FOXN3: variants seen among roughly 807,000 people sequenced by gnomAD.
FOXN3 encodes forkhead box protein N3.
A neutral mutation model predicts 38.4 loss-of-function variants in FOXN3; 7 were observed. The ratio of observed to expected loss-of-function variants is 0.18; its 90% CI spans 0.10 to 0.34. The LOEUF (loss-of-function observed/expected upper bound fraction) is 0.34. FOXN3 is among the 10% of genes least tolerant of loss of function. The probability of loss-of-function intolerance (pLI) is 1.00; values close to 1 mark genes in which losing one functional copy is unlikely to be tolerated. For missense variants in FOXN3, 456 were observed against 613.4 expected, an observed-to-expected ratio of 0.74 and a Z score of 2.71; for synonymous variants, 230 against 242.2, an observed-to-expected ratio of 0.95 and a Z score of 0.47.
intron 4 of FOXN3, among the ~76,000 whole-genome samples, chr14:89,199,916 C>T (rs1566927443): frequency 6.6e-6 from 1 of 152,004 alleles, no homozygotes; most frequent in East Asian, 1.9e-4. Flanking sequence ...ACAACAACAA[C>T]AACAACAACA....
chr14:89,458,728 C>T (rs879470873), intron 1 of FOXN3, among the ~76,000 whole-genome samples: 1 of 152,082 alleles, frequency 6.6e-6, no homozygotes, highest in Non-Finnish European at 1.5e-5. Flanking sequence ...GGGTGTGGAG[C>T]CCTCTCTGCT....
intron 1 of FOXN3, among the ~76,000 whole-genome samples, chr14:89,528,912 G>C (rs114686779): frequency 6.6e-6 from 1 of 152,022 alleles, no homozygotes; most frequent in Non-Finnish European, 1.5e-5. Context: ...CAGCTTTTGC[G>C]GATGATAAGT....
intron 4 of FOXN3, among the ~76,000 whole-genome samples, chr14:89,268,581 G>A (rs1886053400): frequency 6.6e-6 from 1 of 152,230 alleles, no homozygotes; most frequent in African/African-American, 2.4e-5. Flanking sequence ...AGGAGAGAGT[G>A]GCCCCTGTCT....
At chr14:89,555,675 T>A (rs757605491) in intron 1 of FOXN3, among the ~76,000 whole-genome samples, 1 of 152,216 alleles carries the variant, frequency 6.6e-6, no homozygotes, top group Non-Finnish European at 1.5e-5. Context: ...CATTCATTCA[T>A]CCTAATTTGA....
intron 1 of FOXN3, among the ~76,000 whole-genome samples, chr14:89,584,156 G>C (rs1484089215): frequency 5.3e-5 from 8 of 150,410 alleles, no homozygotes; most frequent in Non-Finnish European, 7.4e-5. Flanking sequence ...ACCACACCTG[G>C]CCCTAACACT....
At chr14:89,208,319 C>A (rs1258258793) in intron 4 of FOXN3, among the ~76,000 whole-genome samples, 1 of 152,200 alleles carries the variant, frequency 6.6e-6, no homozygotes, top group Non-Finnish European at 1.5e-5. Context: ...CCCTGGGGAA[C>A]TTCAATCTGT....
intron 1 of FOXN3, among the ~76,000 whole-genome samples, chr14:89,430,458 G>A (rs1892131594): frequency 6.6e-6 from 1 of 152,176 alleles, no homozygotes; most frequent in Non-Finnish European, 1.5e-5. Context: ...CCACATTGCT[G>A]CAGACTACTT....
intron 1 of FOXN3, among the ~76,000 whole-genome samples, chr14:89,437,737 T>A (rs1266175932): frequency 6.6e-6 from 1 of 152,254 alleles, no homozygotes; most frequent in Non-Finnish European, 1.5e-5. Context: ...CCATCAGGGC[T>A]GCTCTGTCTA....
intron 1 of FOXN3, among the ~76,000 whole-genome samples, chr14:89,531,548 T>C (rs894052932): frequency 1.3e-5 from 2 of 152,228 alleles, no homozygotes; most frequent in African/African-American, 4.8e-5. Context: ...CTTCGACACT[T>C]GTGGAATCCC....
intron 1 of FOXN3, among the ~76,000 whole-genome samples, chr14:89,612,751 C>T (rs1013196466): frequency 4.6e-5 from 7 of 151,652 alleles, no homozygotes; most frequent in African/African-American, 1.7e-4. Context: ...CCCAAGAGTT[C>T]GAGGCTGCAG....
At chr14:89,269,499 T>C (rs1886084439) in intron 4 of FOXN3, among the ~76,000 whole-genome samples, 1 of 147,338 alleles carries the variant, frequency 6.8e-6, no homozygotes, top group African/African-American at 2.5e-5. Context: ...TTTTTTTTCC[T>C]TTTTCCATGA....
chr14:89,366,270 A>AC (rs1890144433), intron 2 of FOXN3, among the ~76,000 whole-genome samples: 1 of 151,768 alleles, frequency 6.6e-6, no homozygotes, highest in Admixed American at 6.6e-5. Flanking sequence ...GAAAAAAAAA[A>AC]AAACTTTATT....
At chr14:89,536,569 C>T (rs936613820) in intron 1 of FOXN3, among the ~76,000 whole-genome samples, 4 of 152,062 alleles carry the variant, frequency 2.6e-5, no homozygotes, top group Non-Finnish European at 5.9e-5. Flanking sequence ...ATCACGAGGT[C>T]AGGAGTTCAA....
chr14:89,419,162 G>A (rs1270882789), upstream of FOXN3: 2 of 456,028 alleles, frequency 4.4e-6, no homozygotes, highest in South Asian at 3.1e-5. Context: ...CATTACAGTT[G>A]CAGCAAGAGA....
chr14:89,433,412 G>A (rs1892207093), intron 1 of FOXN3, among the ~76,000 whole-genome samples: 4 of 152,206 alleles, frequency 2.6e-5, no homozygotes, highest in African/African-American at 9.7e-5. Context: ...AACTCAGGAG[G>A]CTGAGGTTGC....
chr14:89,216,414 G>T (rs1884283751), intron 4 of FOXN3, among the ~76,000 whole-genome samples: 2 of 152,142 alleles, frequency 1.3e-5, no homozygotes, highest in African/African-American at 4.8e-5. Flanking sequence ...TAGAATAGAT[G>T]CATTCAGAAT....
At chr14:89,475,209 A>C (rs184003455) in intron 1 of FOXN3, among the ~76,000 whole-genome samples, 52 of 152,364 alleles carry the variant, frequency 3.4e-4, no homozygotes, top group African/African-American at 1.2e-3. Context: ...AAAGACATAG[A>C]TATTTACTTA....
Position 89,398,921 on chromosome 14 carries a change from T to C in FOXN3, c.543+13013A>G, listed in dbSNP as rs560997833. ...ATCGCTTGAACCCAGGAGGCGGAGGTTGTGGTGAGCCAAGATCGTGCCATT... is the reference window on the plus strand; with the variant it reads ...ATCGCTTGAACCCAGGAGGCGGAGGCTGTGGTGAGCCAAGATCGTGCCATT... On this transcript the variant is annotated intron_variant, in intron 2 of 5. Coordinates refer to ENST00000557258, the MANE Select transcript of FOXN3 (RefSeq NM_005197.4). 5.4e-4 allele frequency among the ~76,000 whole-genome samples: 82 copies of C among 152,152 alleles called. 1 individual carries two copies. The highest frequency in any genetic ancestry group is 2.0e-3 in the African/African-American group (81 of 41,504).
intron 4 of FOXN3, among the ~76,000 whole-genome samples, chr14:89,208,590 T>C (rs1888445598): frequency 6.6e-6 from 1 of 152,194 alleles, no homozygotes; most frequent in Admixed American, 6.5e-5. Flanking sequence ...TATACTATTA[T>C]ACCTTATAAT....
Sources: allele counts gnomAD v4.1 joint callset (sites outside exome capture counted in the v4.1 genomes callset), GRCh38; gene constraint gnomAD v4.1.1; transcripts MANE v1.5; gene names NCBI Gene and HGNC (gene_info 2026-07-23, HGNC 2026-07-21).